CDH13: variants seen among roughly 807,000 people sequenced by gnomAD.
The protein encoded by CDH13 is cadherin-13.
In CDH13, 24 loss-of-function variants were observed where a neutral mutation model predicts 63.8. The ratio of observed to expected loss-of-function variants is 0.38; its 90% CI spans 0.27 to 0.53. The LOEUF (loss-of-function observed/expected upper bound fraction) is 0.53, where lower values mean the gene tolerates loss of function less well. Among genes scored for constraint, CDH13 ranks in the 20% least tolerant of loss-of-function variants. The probability of loss-of-function intolerance (pLI) is 0.85; values close to 1 mark genes in which losing one functional copy is unlikely to be tolerated. For synonymous variants in CDH13, 503 were observed against 355.3 expected, an observed-to-expected ratio of 1.42 and a Z score of -4.67; for missense variants, 1,049 against 903.1, an observed-to-expected ratio of 1.16 and a Z score of -2.07.
intron 3 of CDH13, among the ~76,000 whole-genome samples, chr16:83,072,180 A>G (rs1442241788): frequency 2.6e-5 from 4 of 152,160 alleles, no homozygotes; most frequent in African/African-American, 2.4e-5. Flanking sequence ...GCTAATCTCA[A>G]TTTGGGTGCT....
intron 1 of CDH13, among the ~76,000 whole-genome samples, chr16:82,638,918 C>G (rs1385703953): frequency 1.4e-5 from 2 of 145,196 alleles, no homozygotes; most frequent in African/African-American, 5.0e-5. Context: ...TTGCTATGCA[C>G]TAGTTACCCA....
rs114430422 is a variant in CDH13, at chr16:83,059,358, G to C, written c.366+27140G>C. 4.6e-3 allele frequency among the ~76,000 whole-genome samples: 700 copies of C among 152,270 alleles called. 2 individuals are homozygous for C. Among genetic ancestry groups the C allele is most frequent in the African/African-American group, 0.016 (676 of 41,550 alleles). On this transcript the variant is annotated intron_variant, in intron 3 of 13. Transcript: ENST00000567109. Reference sequence around the variant, plus strand: ...TGCCTTCTGTTTAGAACAAGTTCCTGTATGTGTCAGAGATCTGGGGCAGGA... The same window carrying C: ...TGCCTTCTGTTTAGAACAAGTTCCTCTATGTGTCAGAGATCTGGGGCAGGA...
intron 1 of CDH13, among the ~76,000 whole-genome samples, chr16:82,627,750 C>A (rs1191471999): frequency 6.6e-6 from 1 of 152,166 alleles, no homozygotes; most frequent in Non-Finnish European, 1.5e-5. Flanking sequence ...CGGCCGCACC[C>A]GCATCGGGGT....
chr16:82,970,740 T>C (rs1049925380), intron 2 of CDH13, among the ~76,000 whole-genome samples: 1 of 152,162 alleles, frequency 6.6e-6, no homozygotes, highest in Non-Finnish European at 1.5e-5. Context: ...ATCTGCATAA[T>C]AGATTAAGTT....
chr16:83,252,476 A>G (rs1905699063), intron 5 of CDH13, among the ~76,000 whole-genome samples: 1 of 152,016 alleles, frequency 6.6e-6, no homozygotes, highest in Non-Finnish European at 1.5e-5. Context: ...GTGCTTATGG[A>G]GAACATTTTA....
chr16:83,152,493 C>T (rs1467900835), intron 4 of CDH13, among the ~76,000 whole-genome samples: 2 of 152,154 alleles, frequency 1.3e-5, no homozygotes, highest in South Asian at 4.1e-4. Context: ...TGGACTGGTA[C>T]TTAAAGGTGA....
At position 83,169,527 on chromosome 16, in the gene CDH13, C is replaced by CTT. The variant is rs555535605; in HGVS notation, c.483+44034_483+44035dup. Among the ~76,000 whole-genome samples the CTT allele has an allele frequency of 5.7e-3, 853 of 149,630 alleles. 8 individuals are homozygous for CTT. The highest frequency in any genetic ancestry group is 0.02 in the African/African-American group (822 of 40,656). On this transcript the variant is annotated intron_variant, in intron 4 of 13. Coordinates refer to ENST00000567109, the MANE Select transcript of CDH13 (RefSeq NM_001257.5). ...GATGAAAATGATAAGGTACTGTGGC[C>CTT]TTTTTTTTTGCCATTTAAAAAACAG...
intron 2 of CDH13, among the ~76,000 whole-genome samples, chr16:82,936,262 C>A (rs1467567988): frequency 6.6e-6 from 1 of 152,120 alleles, no homozygotes; most frequent in African/African-American, 2.4e-5. Flanking sequence ...TTTGGGGTTG[C>A]TTTTTATTAA....
intron 2 of CDH13, among the ~76,000 whole-genome samples, chr16:82,873,372 C>T (rs1323829471): frequency 2.0e-5 from 3 of 152,216 alleles, no homozygotes; most frequent in Admixed American, 1.3e-4. Flanking sequence ...AGTGGTGTTA[C>T]AATCCTCTGA....
At chr16:83,041,142 C>A (rs1056124344) in intron 3 of CDH13, among the ~76,000 whole-genome samples, 1 of 152,176 alleles carries the variant, frequency 6.6e-6, no homozygotes, top group Non-Finnish European at 1.5e-5. Context: ...GAAGTCAATA[C>A]AAGTTGCCTC....
At position 83,724,146 on chromosome 16, in the gene CDH13, T is replaced by C. The variant is rs913348758; in HGVS notation, c.1539-23962T>C. Among the ~76,000 whole-genome samples, 5 of 149,962 alleles carry C rather than the reference T, an allele frequency of 3.3e-5. No individual in the cohort carries two copies. In the South Asian group the frequency reaches 1.1e-3, roughly 32 times the overall value. ...GATGAATGCATGGGTGGGTGATGAA[T>C]GCATGGGTGGGTGATGAATACATGG... is the stretch of plus-strand genomic sequence containing the variant. On this transcript the variant is annotated intron_variant, in intron 10 of 13. Transcript: ENST00000567109.
intron 1 of CDH13, among the ~76,000 whole-genome samples, chr16:82,757,884 C>T (rs1175755849): frequency 1.3e-5 from 2 of 152,062 alleles, no homozygotes; most frequent in Admixed American, 6.5e-5. Flanking sequence ...TTCTTGACCT[C>T]GTGATCCGCC....
intron 2 of CDH13, among the ~76,000 whole-genome samples, chr16:82,898,342 T>C (rs1166261999): frequency 1.3e-5 from 2 of 152,056 alleles, no homozygotes; most frequent in South Asian, 2.1e-4. Context: ...CTGGCCAACA[T>C]CGTGAAACCC....
intron 4 of CDH13, among the ~76,000 whole-genome samples, chr16:83,202,837 GA>G (rs2039070120): frequency 6.6e-6 from 1 of 152,154 alleles, no homozygotes; most frequent in African/African-American, 2.4e-5. Context: ...GGTACAGGGA[GA>G]TAAACATTGA....
intron 1 of CDH13, among the ~76,000 whole-genome samples, chr16:82,722,306 G>A (rs183920918): frequency 1.3e-5 from 2 of 152,214 alleles, no homozygotes; most frequent in African/African-American, 4.8e-5. Flanking sequence ...TCCATCTCTT[G>A]GCTCTACTTT....
chr16:83,169,077 T>A (rs923773756), intron 4 of CDH13, among the ~76,000 whole-genome samples: 3 of 152,248 alleles, frequency 2.0e-5, no homozygotes, highest in African/African-American at 7.2e-5. Context: ...AATTAAAACA[T>A]AATTATCAAA....
chr16:83,618,116 T>C (rs903460563), intron 8 of CDH13, among the ~76,000 whole-genome samples: 4 of 152,262 alleles, frequency 2.6e-5, no homozygotes, highest in South Asian at 4.1e-4. Context: ...TCAGAATCTC[T>C]GAGTCATGTT....
At chr16:83,576,023 A>C (rs1905064553) in intron 7 of CDH13, among the ~76,000 whole-genome samples, 1 of 152,216 alleles carries the variant, frequency 6.6e-6, no homozygotes, top group Admixed American at 6.5e-5. Flanking sequence ...ATAACATGAA[A>C]CTAACCATGT....
chr16:83,462,500 C>G (rs1253187561), intron 6 of CDH13, among the ~76,000 whole-genome samples: 1 of 152,188 alleles, frequency 6.6e-6, no homozygotes, highest in African/African-American at 2.4e-5. Context: ...GCCTGTAATC[C>G]CAGCACTTTG....
Sources: allele counts gnomAD v4.1 joint callset (sites outside exome capture counted in the v4.1 genomes callset), GRCh38; gene constraint gnomAD v4.1.1; transcripts MANE v1.5; gene names NCBI Gene and HGNC (gene_info 2026-07-23, HGNC 2026-07-21).